Variants in USP32 observed in about 807,000 individuals in gnomAD.
USP32 encodes ubiquitin specific peptidase 32.
In USP32, 59 loss-of-function variants were observed where a neutral mutation model predicts 204.8. The observed-to-expected ratio is 0.29, with a 90% confidence interval of 0.23 to 0.36. The LOEUF is 0.36. Ranked by LOEUF, USP32 falls within the 10% of genes least tolerant of loss-of-function variation. The probability of loss-of-function intolerance (pLI) is 1.00; values close to 1 mark genes in which losing one functional copy is unlikely to be tolerated. For missense variants in USP32, 1,160 were observed against 1,946.4 expected, an observed-to-expected ratio of 0.60 and a Z score of 7.60; for synonymous variants, 517 against 678.4, an observed-to-expected ratio of 0.76 and a Z score of 3.70.
chr17:60,375,690 G>A (rs376110989), intron 1 of USP32, among the ~76,000 whole-genome samples: 22 of 150,516 alleles, frequency 1.5e-4, no homozygotes, highest in African/African-American at 4.9e-4. Context: ...TGCAACCTCC[G>A]CCTCCTGGGT....
chr17:60,314,711 A>T lies in USP32; in HGVS notation c.187-13007T>A, dbSNP rs781060326. ...AGTACTGAAACACCTTCCAAATTTG[A>T]TGATAAACCTACCAATCCAAAATGC... On this transcript the variant is annotated intron_variant, in intron 2 of 33. Transcript: ENST00000300896. Among the ~76,000 whole-genome samples the T allele has an allele frequency of 2.2e-4, 34 of 152,232 alleles. 1 individual carries two copies. The highest frequency in any genetic ancestry group is 2.8e-4 in the Non-Finnish European group (19 of 68,044).
chr17:60,223,520 T>C lies in USP32; in HGVS notation c.1499A>G (p.Asn500Ser), dbSNP rs200247739. 2.4e-4 allele frequency: 382 copies of C among 1,613,870 alleles called. No homozygotes were observed. The highest frequency in any genetic ancestry group is 3.0e-4 in the Non-Finnish European group (354 of 1,179,992). Residue 500 changes from asparagine (N) to serine (S), a missense_variant, in exon 14 of 34, where the codon AAT becomes AGT. Asn to Ser is a conservative substitution (Grantham distance 46, BLOSUM62 1). This residue lies in a region of USP32 where 536 missense variants were observed against 680.9 expected (regional missense o/e 0.79). Transcript: ENST00000300896. The stretch of plus-strand genomic sequence containing the variant: ...GGCTCCCAGCAAACACTGGTTGTTA[T>C]TGTCAGAAGTGTTATGTTGTCGAGC... ...CFARQHNTSD[N>S]NNQCLLGANG... is the part of the protein sequence containing the mutation.
intron 22 of USP32, 81 bp from the exon 23 acceptor site, chr17:60,208,909 A>G (rs1241377337): frequency 1.4e-6 from 2 of 1,413,096 alleles, no homozygotes; most frequent in Admixed American, 5.4e-5. Context: ...AGCTAGTTAA[A>G]TATATTGGAT....
intron 1 of USP32, among the ~76,000 whole-genome samples, chr17:60,352,050 G>A (rs1217857605): frequency 6.6e-6 from 1 of 152,116 alleles, no homozygotes; most frequent in Non-Finnish European, 1.5e-5. Flanking sequence ...TGGAGTACAG[G>A]GTATAAGAAG....
intron 24 of USP32, 143 bp downstream of exon 24, chr17:60,207,916 G>A: frequency 7.1e-7 from 1 of 1,412,046 alleles, no homozygotes; most frequent in Non-Finnish European, 9.4e-7. Flanking sequence ...GGAAAACTTG[G>A]CATTTTTTGT....
upstream of USP32, among the ~76,000 whole-genome samples, chr17:60,395,602 A>C (rs530261785): frequency 1.3e-5 from 2 of 152,330 alleles, no homozygotes; most frequent in South Asian, 4.1e-4. Context: ...TAGTTTGTTC[A>C]ATTTCATTAT....
chr17:60,379,581 T>C (rs1263991598), intron 1 of USP32, among the ~76,000 whole-genome samples: 2 of 152,178 alleles, frequency 1.3e-5, no homozygotes, highest in Non-Finnish European at 2.9e-5. Context: ...TAAATTACAG[T>C]GTAACCTACA....
chr17:60,405,593 C>T (rs2089969460), intron 1 of USP32, among the ~76,000 whole-genome samples: 1 of 152,078 alleles, frequency 6.6e-6, no homozygotes, highest in Non-Finnish European at 1.5e-5. Flanking sequence ...AAAACCCCAT[C>T]GCTACAAAAA....
intron 1 of USP32, among the ~76,000 whole-genome samples, chr17:60,401,234 G>A (rs1055564813): frequency 6.6e-6 from 1 of 151,854 alleles, no homozygotes; most frequent in African/African-American, 2.4e-5. Flanking sequence ...GGTGGGCGTG[G>A]TGGTGGGCGC....
At position 60,178,839 on chromosome 17, in the gene USP32, A is replaced by G. The variant is rs991249251; in HGVS notation, c.*416T>C. Among the ~76,000 whole-genome samples, 3 of 152,260 alleles carry G rather than the reference A, an allele frequency of 2.0e-5. No homozygotes were observed. Among genetic ancestry groups the G allele is most frequent in the African/African-American group, 7.2e-5 (3 of 41,476 alleles). On this transcript the variant is annotated 3_prime_UTR_variant, in exon 34 of 34. Coordinates refer to ENST00000300896, the MANE Select transcript of USP32 (RefSeq NM_032582.4). ...TTCAGGAAAAAGGAGGTAGCATATC[A>G]TGTCGTCCCTAGACAACATTATAAT...
chr17:60,386,087 T>C (rs1598307090), intron 1 of USP32, among the ~76,000 whole-genome samples: 2 of 152,008 alleles, frequency 1.3e-5, no homozygotes, highest in Non-Finnish European at 2.9e-5. Context: ...CTTGAAAAGC[T>C]AGTTTTTACC....
At chr17:60,291,986 C>T (rs945946562) in intron 4 of USP32, among the ~76,000 whole-genome samples, 1 of 150,950 alleles carries the variant, frequency 6.6e-6, no homozygotes, top group African/African-American at 2.4e-5. Flanking sequence ...TAGTATCCTA[C>T]ACCAGCAATT....
intron 2 of USP32, among the ~76,000 whole-genome samples, chr17:60,319,826 A>T (rs1263244528): frequency 6.6e-6 from 1 of 152,122 alleles, no homozygotes; most frequent in African/African-American, 2.4e-5. Context: ...ACACTATAAC[A>T]ACTATTCACG....
At chr17:60,324,643 G>A (rs544856818) in intron 2 of USP32, among the ~76,000 whole-genome samples, 101 of 152,106 alleles carry the variant, frequency 6.6e-4, no homozygotes, top group Non-Finnish European at 1.1e-3. Flanking sequence ...TACTTCAACA[G>A]AAATAAAAAA....
At chr17:60,404,163 G>T (rs552037108) in intron 1 of USP32, among the ~76,000 whole-genome samples, 1 of 152,264 alleles carries the variant, frequency 6.6e-6, no homozygotes, top group South Asian at 2.1e-4. Flanking sequence ...TTAAATGATG[G>T]AATGTAGCAG....
At position 60,183,292 on chromosome 17, in the gene USP32, G is replaced by C. The variant is rs771613492; in HGVS notation, c.3996C>G (p.Leu1332=). 5 of 1,613,978 alleles carry C rather than the reference G, an allele frequency of 3.1e-6. No homozygotes were observed. The highest frequency in any genetic ancestry group is 4.2e-6 in the Non-Finnish European group (5 of 1,179,870). The part of the protein sequence containing the change: ...HKPLTPQGDE[L]SEPRILAREV... ...CCCTTGCCAGAATCCTGGGCTCAGA[G>C]AGCTCATCCCCCTGGGGTGTGAGTG... Residue 1332 remains leucine, a synonymous_variant, in exon 31 of 34, where the codon CTC becomes CTG. Coordinates refer to ENST00000300896, the MANE Select transcript of USP32 (RefSeq NM_032582.4).
chr17:60,216,306 AC>A (rs1175520609), intron 16 of USP32, among the ~76,000 whole-genome samples: 22 of 148,770 alleles, frequency 1.5e-4, no homozygotes, highest in South Asian at 4.2e-4. Context: ...AAAAAAAAAA[AC>A]ATCATTAAAC....
At chr17:60,245,565 T>A (rs2085997643) in intron 11 of USP32, 1 of 312,492 alleles carries the variant, frequency 3.2e-6, no homozygotes, top group African/African-American at 2.2e-5. Context: ...AGTTTTGACA[T>A]ATCAGTGTAA....
chr17:60,384,127 T>C (rs2089690179), intron 1 of USP32, among the ~76,000 whole-genome samples: 1 of 152,208 alleles, frequency 6.6e-6, no homozygotes, highest in Non-Finnish European at 1.5e-5. Flanking sequence ...GAACTGAGGA[T>C]ATGTCTAGAT....
Sources: allele counts gnomAD v4.1 joint callset (sites outside exome capture counted in the v4.1 genomes callset), GRCh38; gene constraint gnomAD v4.1.1; regional missense constraint gnomAD v4.1.1; transcripts MANE v1.5; gene names NCBI Gene and HGNC (gene_info 2026-07-23, HGNC 2026-07-21).